Variants in APOLD1 observed in about 807,000 individuals in gnomAD.
APOLD1 encodes apolipoprotein L domain containing 1.
A neutral mutation model predicts 15.3 loss-of-function variants in APOLD1; 22 were observed. The observed-to-expected ratio is 1.44, with a 90% CI of 1.03 to 2.05. The LOEUF (loss-of-function observed/expected upper bound fraction) is 2.05. Ranked by LOEUF, APOLD1 falls within the 30% of genes most tolerant of loss-of-function variation. The pLI is 0.00. For missense variants in APOLD1, 394 were observed against 353.5 expected, an observed-to-expected ratio of 1.11 and a Z score of -0.92; for synonymous variants, 190 against 167.4, an observed-to-expected ratio of 1.13 and a Z score of -1.04.
chr12:12,758,055 A>G (rs1486874202), intron 1 of APOLD1, among the ~76,000 whole-genome samples: 3 of 142,236 alleles, frequency 2.1e-5, no homozygotes, highest in Non-Finnish European at 3.0e-5. Context: ...CCTCCCAAGT[A>G]GCTGGGACTA....
At chr12:12,772,396 AC>A (rs552780920) in intron 1 of APOLD1, among the ~76,000 whole-genome samples, 425 of 152,372 alleles carry the variant, frequency 2.8e-3, no homozygotes, top group African/African-American at 9.7e-3. Flanking sequence ...GAGGGACATT[AC>A]ATAGTGATAA....
rs1947146981 is a variant in APOLD1 at position 12,787,947 on chromosome 12, TGTTTTAAA to T, written c.*299_*306del. 4 of 333,658 alleles carry T rather than the reference TGTTTTAAA, an allele frequency of 1.2e-5. No homozygotes were observed. The highest frequency in any genetic ancestry group is 4.2e-5 in the South Asian group (1 of 23,560). The allele number at this position is 333,658 out of a possible 1,614,324, so 20.7% of individuals were successfully genotyped here. ...CTAAACACAGCTGGGCAGGCACTCC[TGTTTTAAA>T]GTTATTTCGGGGTCCCTGACCCTGC... On this transcript the variant is annotated 3_prime_UTR_variant, in exon 2 of 2. Transcript: ENST00000356591. This position sits in a 1 kb window ranked among gnomAD's most constrained non-coding sequence, Gnocchi z 4.9.
In APOLD1 at chr12:12,746,783, T is replaced by TCTCTTCTTCTTCCCCCTTCC. The variant is rs1483733976; in HGVS notation, c.96+20691_96+20710dup. 1.2e-4 allele frequency among the ~76,000 whole-genome samples: 19 copies of TCTCTTCTTCTTCCCCCTTCC among 152,296 alleles called. No individual in the cohort carries two copies. The East Asian group carries it at 1.9e-3, about 15-fold the overall frequency. ...CTGATAGGTAGCTTTTCAGCCCTTC[T>TCTCTTCTTCTTCCCCCTTCC]CTCTTCTTCTTCCCCCTTCCCTCCT... is the stretch of plus-strand genomic sequence containing the variant. On this transcript the variant is annotated intron_variant, in intron 1 of 1. Coordinates refer to the APOLD1 transcript ENST00000326765.
At chr12:12,745,210 A>G (rs1946756405) in intron 1 of APOLD1, among the ~76,000 whole-genome samples, 1 of 152,176 alleles carries the variant, frequency 6.6e-6, no homozygotes, top group Admixed American at 6.5e-5. Flanking sequence ...TACCCAACAC[A>G]AAATGAGGAG....
chr12:12,786,400 A>G (rs901217895), intron 1 of APOLD1, among the ~76,000 whole-genome samples: 1 of 152,108 alleles, frequency 6.6e-6, no homozygotes, highest in East Asian at 1.9e-4. Flanking sequence ...GGTAGAAAAT[A>G]CGATTTTTGA....
At chr12:12,735,851 G>A (rs1946681020) in intron 1 of APOLD1, among the ~76,000 whole-genome samples, 1 of 152,170 alleles carries the variant, frequency 6.6e-6, no homozygotes. Flanking sequence ...GGAAGCTGAA[G>A]CAGGAGGATC....
At chr12:12,732,647 C>T (rs1201551624) in intron 1 of APOLD1, among the ~76,000 whole-genome samples, 2 of 150,956 alleles carry the variant, frequency 1.3e-5, no homozygotes, top group African/African-American at 4.9e-5. Context: ...ATCGCTTAAA[C>T]CTGGGAGGCG....
intron 1 of APOLD1, among the ~76,000 whole-genome samples, chr12:12,772,699 A>G (rs954336232): frequency 6.6e-6 from 1 of 152,226 alleles, no homozygotes; most frequent in Admixed American, 6.5e-5. Context: ...TCTCAAAGTC[A>G]TATAAAACAT....
intron 1 of APOLD1, among the ~76,000 whole-genome samples, chr12:12,772,218 A>G (rs1310956259): frequency 1.3e-5 from 2 of 152,202 alleles, no homozygotes; most frequent in Admixed American, 6.5e-5. Flanking sequence ...CTGGATCAAA[A>G]AACAAGACCC....
chr12:12,741,651 A>G (rs1946730016), intron 1 of APOLD1, among the ~76,000 whole-genome samples: 1 of 152,252 alleles, frequency 6.6e-6, no homozygotes, highest in Non-Finnish European at 1.5e-5. Context: ...TCTGCACACA[A>G]GAAAAACAAA....
intron 1 of APOLD1, among the ~76,000 whole-genome samples, chr12:12,730,797 T>C (rs1946634443): frequency 6.6e-6 from 1 of 151,682 alleles, no homozygotes; most frequent in South Asian, 2.1e-4. Flanking sequence ...AATGTATGTG[T>C]TGTATTTAGC....
At chr12:12,726,156 C>CA (rs745785485) in intron 1 of APOLD1, 33,110 of 112,886 alleles carry the variant, frequency 0.29, 4,490 homozygotes, top group African/African-American at 0.44. Flanking sequence ...TCTTCGCAAC[C>CA]AAAAAAAAAA....
At chr12:12,781,566 C>T (rs1391747043), upstream of APOLD1, among the ~76,000 whole-genome samples, 2 of 141,060 alleles carry the variant, frequency 1.4e-5, no homozygotes, top group South Asian at 2.2e-4. Context: ...CTCGCTCTGT[C>T]GCCCAGGCTG....
At chr12:12,774,538 T>A (rs1315257825) in intron 1 of APOLD1, among the ~76,000 whole-genome samples, 4 of 80,780 alleles carry the variant, frequency 5.0e-5, no homozygotes, top group Non-Finnish European at 8.6e-5. Flanking sequence ...ACAGCGAGAC[T>A]CTAACTCCAA....
Position 12,786,919 on chromosome 12 carries a change from G to C in APOLD1, c.14G>C (p.Arg5Thr), listed in dbSNP as rs1453581527. The change falls in exon 2 of 2, where the codon AGG (arginine) becomes ACG (threonine). Residue 5 changes from arginine (R) to threonine (T), a missense_variant. Coordinates refer to ENST00000356591, the MANE Select transcript of APOLD1 (RefSeq NM_030817.3). Reference sequence around the variant, plus strand: ...TCTATGTCCCCGCAGGGAATGGAGAGGCCGGCGGCCCGGGAGCCGCATGGG... The same window carrying C: ...TCTATGTCCCCGCAGGGAATGGAGACGCCGGCGGCCCGGGAGCCGCATGGG... MGME[R>T]PAAREPHGPD... is the part of the protein sequence containing the mutation. 2 of 1,447,240 alleles carry C rather than the reference G, an allele frequency of 1.4e-6. No homozygotes were observed. The highest frequency in any genetic ancestry group is 3.0e-5 in the African/African-American group (2 of 67,116). 89.6% of individuals were successfully genotyped at this position (1,447,240 alleles called of 1,614,324 possible).
rs199912165 is a variant in APOLD1, at chr12:12,787,217, G to T, written c.312G>T (p.Thr104=). 5.8e-6 allele frequency: 9 copies of T among 1,561,746 alleles called. No homozygotes were observed. Among genetic ancestry groups the T allele is most frequent in the African/African-American group, 1.3e-5 (1 of 74,088 alleles). Residue 104 remains threonine, a synonymous_variant, in exon 2 of 2, where the codon ACG becomes ACT. Transcript: ENST00000356591. This position sits in a 1 kb window ranked among gnomAD's most constrained non-coding sequence, Gnocchi z 4.9. ...VATAGGAVTI[T]SDLSLIFCNS... ...CAGCCGGAGGGGCCGTCACCATCACGTCCGATCTCTCGCTGATCTTCTGCA... is the reference window on the plus strand; with the variant it reads ...CAGCCGGAGGGGCCGTCACCATCACTTCCGATCTCTCGCTGATCTTCTGCA...
At chr12:12,786,364 A>C (rs966327883) in intron 1 of APOLD1, among the ~76,000 whole-genome samples, 1 of 152,170 alleles carries the variant, frequency 6.6e-6, no homozygotes, top group African/African-American at 2.4e-5. Context: ...TCAGGCAAGC[A>C]TCTAACTTAG....
chr12:12,769,280 G>C (rs1481183119), intron 1 of APOLD1, among the ~76,000 whole-genome samples: 1 of 140,690 alleles, frequency 7.1e-6, no homozygotes, highest in African/African-American at 2.7e-5. Context: ...CAAGTAAAAA[G>C]CTGAGTAAAC....
At chr12:12,760,587 C>T (rs768958737) in intron 1 of APOLD1, among the ~76,000 whole-genome samples, 6 of 149,410 alleles carry the variant, frequency 4.0e-5, no homozygotes, top group South Asian at 4.2e-4. Flanking sequence ...TGCAGTGAGC[C>T]GAGATAGTGC....
Sources: allele counts gnomAD v4.1 joint callset (sites outside exome capture counted in the v4.1 genomes callset), GRCh38; gene constraint gnomAD v4.1.1; non-coding constraint Gnocchi (gnomAD v3.1); transcripts MANE v1.5; gene names NCBI Gene and HGNC (gene_info 2026-07-23, HGNC 2026-07-21).